Variants in FCHSD2 observed in about 807,000 individuals in gnomAD.
FCHSD2 encodes the protein F-BAR and double SH3 domains protein 2.
A neutral mutation model predicts 108.1 loss-of-function variants in FCHSD2; 38 were observed. The ratio of observed to expected loss-of-function variants is 0.35; its 90% CI spans 0.27 to 0.46. The LOEUF is 0.46. Ranked by LOEUF, FCHSD2 falls within the 20% of genes least tolerant of loss-of-function variation. The pLI, the probability that FCHSD2 is intolerant of heterozygous loss-of-function variation, is 1.00. For missense variants in FCHSD2, 751 were observed against 897.8 expected, an observed-to-expected ratio of 0.84 and a Z score of 2.09; for synonymous variants, 279 against 314.7, an observed-to-expected ratio of 0.89 and a Z score of 1.20.
chr11:72,976,796 C>T (rs1279006827), intron 8 of FCHSD2, among the ~76,000 whole-genome samples: 1 of 152,068 alleles, frequency 6.6e-6, no homozygotes, highest in Admixed American at 6.6e-5. Context: ...AGAACATACA[C>T]TGGGGGAAAA....
intron 14 of FCHSD2, among the ~76,000 whole-genome samples, chr11:72,845,735 C>T (rs1487849589): frequency 6.6e-6 from 1 of 152,186 alleles, no homozygotes; most frequent in African/African-American, 2.4e-5. Flanking sequence ...TATAGGTGTT[C>T]TTCCGTCCAT....
rs114690823 is a variant in FCHSD2, at chr11:73,051,133, A to G, written c.165+32562T>C. On this transcript the variant is annotated intron_variant, in intron 3 of 19. Transcript: ENST00000409418. ...GAGTTCAAGACTAGTCTGGGCTAACAAAGTGAGACCCTGTCTCTACCAAAC... is the reference window on the plus strand; with the variant it reads ...GAGTTCAAGACTAGTCTGGGCTAACGAAGTGAGACCCTGTCTCTACCAAAC... Among the ~76,000 whole-genome samples the G allele has an allele frequency of 3.4e-3, 522 of 152,288 alleles. 1 individual carries two copies. The highest frequency in any genetic ancestry group is 0.012 in the African/African-American group (500 of 41,560).
At chr11:72,999,866 GACACACAC>G (rs138484535) in intron 5 of FCHSD2, among the ~76,000 whole-genome samples, 19 of 150,408 alleles carry the variant, frequency 1.3e-4, no homozygotes, top group South Asian at 6.3e-4. Context: ...TGCACAATCA[GACACACAC>G]ACACACACAC....
chr11:72,974,801 G>A (rs549292990), intron 8 of FCHSD2, among the ~76,000 whole-genome samples: 6 of 151,292 alleles, frequency 4.0e-5, no homozygotes, highest in Non-Finnish European at 8.8e-5. Flanking sequence ...CCAAGAAAGA[G>A]GGCATTAAAA....
At chr11:72,890,407 T>C (rs904760217) in intron 10 of FCHSD2, among the ~76,000 whole-genome samples, 1 of 152,066 alleles carries the variant, frequency 6.6e-6, no homozygotes, top group Non-Finnish European at 1.5e-5. Context: ...CAACACAATC[T>C]TGCACCCCTC....
chr11:72,945,048 A>C (rs1856492062), intron 8 of FCHSD2, among the ~76,000 whole-genome samples: 1 of 152,202 alleles, frequency 6.6e-6, no homozygotes, highest in Non-Finnish European at 1.5e-5. Context: ...GGAAAAAACT[A>C]CTTTAAAATT....
chr11:72,969,600 G>A (rs368367894), intron 8 of FCHSD2, among the ~76,000 whole-genome samples: 5 of 152,044 alleles, frequency 3.3e-5, no homozygotes, highest in Non-Finnish European at 5.9e-5. Context: ...AAGAAGCATC[G>A]AAGATATAAA....
intron 8 of FCHSD2, chr11:72,983,813 T>G: frequency 1.9e-6 from 1 of 529,486 alleles, no homozygotes; most frequent in Non-Finnish European, 3.6e-6. Flanking sequence ...TCTTGTATCT[T>G]CTACATCAAT....
At chr11:72,926,556 A>ACCCT (rs1856080055) in intron 8 of FCHSD2, among the ~76,000 whole-genome samples, 1 of 152,016 alleles carries the variant, frequency 6.6e-6, no homozygotes, top group Non-Finnish European at 1.5e-5. Flanking sequence ...GACAAAAGCC[A>ACCCT]CCCTCTCCAG....
chr11:73,081,748 T>C (rs917532508), intron 3 of FCHSD2, among the ~76,000 whole-genome samples: 5 of 152,144 alleles, frequency 3.3e-5, no homozygotes, highest in African/African-American at 9.7e-5. Context: ...GTAGTGTACA[T>C]GTATGAAAGT....
chr11:73,061,810 C>T (rs1355820855), intron 3 of FCHSD2, among the ~76,000 whole-genome samples: 7 of 152,206 alleles, frequency 4.6e-5, no homozygotes, highest in Non-Finnish European at 1.0e-4. Context: ...CAGCCCCAGT[C>T]AGGGGCTTAC....
chr11:73,068,813 TAAAAAAAAAAA>T (rs1237723120), intron 3 of FCHSD2, among the ~76,000 whole-genome samples: 5 of 83,048 alleles, frequency 6.0e-5, no homozygotes, highest in Non-Finnish European at 1.1e-4. Context: ...CTACAAAAAG[TAAAAAAAAAAA>T]AAAAAAAAGA....
intron 13 of FCHSD2, among the ~76,000 whole-genome samples, chr11:72,867,649 T>C (rs1289993110): frequency 6.6e-6 from 1 of 152,196 alleles, no homozygotes; most frequent in Non-Finnish European, 1.5e-5. Flanking sequence ...TGATAACATA[T>C]TCTTCATCAT....
chr11:72,851,463 G>A (rs890370005), intron 13 of FCHSD2, among the ~76,000 whole-genome samples: 2 of 152,202 alleles, frequency 1.3e-5, no homozygotes, highest in Middle Eastern at 6.8e-3. Flanking sequence ...GTTGCCGGCC[G>A]GGTGAGGTGG....
At chr11:73,012,365 A>G (rs1225446414) in intron 4 of FCHSD2, among the ~76,000 whole-genome samples, 2 of 152,188 alleles carry the variant, frequency 1.3e-5, no homozygotes, top group Admixed American at 6.5e-5. Context: ...AAAAATGTGA[A>G]AGAAAAGACC....
At chr11:73,096,094 G>T (rs1355799290) in intron 2 of FCHSD2, among the ~76,000 whole-genome samples, 1 of 151,958 alleles carries the variant, frequency 6.6e-6, no homozygotes, top group South Asian at 2.1e-4. Flanking sequence ...AAGGAACGAG[G>T]TATCTAAACA....
chr11:73,140,740 C>A (rs1861226459), intron 1 of FCHSD2, among the ~76,000 whole-genome samples: 1 of 152,190 alleles, frequency 6.6e-6, no homozygotes, highest in Non-Finnish European at 1.5e-5. Flanking sequence ...TTTAAACTAC[C>A]CCGGGAAGCC....
At chr11:73,109,279 T>C (rs1860425020) in intron 2 of FCHSD2, among the ~76,000 whole-genome samples, 1 of 152,228 alleles carries the variant, frequency 6.6e-6, no homozygotes, top group Non-Finnish European at 1.5e-5. Flanking sequence ...GGTATTTTGA[T>C]AGGGATTGCA....
rs1357308161 is a variant in FCHSD2 at position 73,142,090 on chromosome 11, G to T, written c.-213C>A. On this transcript the variant is annotated 5_prime_UTR_variant, in exon 1 of 20. Transcript: ENST00000409418. ...GTGAGGAGACGAGGGAGGAGCACCGGGAAGGCTTGGGGCCCGGGCGGCCCG... is the reference window on the plus strand; with the variant it reads ...GTGAGGAGACGAGGGAGGAGCACCGTGAAGGCTTGGGGCCCGGGCGGCCCG... 14 of 497,798 alleles carry T rather than the reference G, an allele frequency of 2.8e-5. No homozygotes were observed. The South Asian group carries it at 2.8e-4, about 10-fold the overall frequency. 30.8% of individuals were successfully genotyped at this position (497,798 alleles called of 1,614,324 possible).
Sources: gnomAD v4.1 joint callset for allele counts (sites outside exome capture counted in the v4.1 genomes callset) on GRCh38, gnomAD v4.1.1 for gene constraint, MANE v1.5 for transcripts, NCBI Gene and HGNC (gene_info 2026-07-23, HGNC 2026-07-21) for gene names.